The following EDIL3 variants were observed in gnomAD, a reference collection of about 807,000 sequenced individuals.
EDIL3 encodes the protein EGF-like repeat and discoidin I-like domain-containing protein 3.
EDIL3 carries 37 observed loss-of-function variants against 67.4 expected under a neutral mutation model. The ratio of observed to expected loss-of-function variants is 0.55; its 90% CI spans 0.42 to 0.72. EDIL3 has a LOEUF of 0.72. Ranked by LOEUF, EDIL3 falls within the 30% of genes least tolerant of loss-of-function variation. The probability of loss-of-function intolerance (pLI) is 0.00; values close to 1 mark genes in which losing one functional copy is unlikely to be tolerated. For synonymous variants in EDIL3, 195 were observed against 196.3 expected (o/e 0.99, Z 0.05); for missense variants, 527 against 586.3 (o/e 0.90, Z 1.04).
chr5:84,355,916 G>C (rs1418453174), intron 1 of EDIL3, among the ~76,000 whole-genome samples: 2 of 152,188 alleles, frequency 1.3e-5, no homozygotes, highest in Non-Finnish European at 2.9e-5. Flanking sequence ...TTCTGTCCCA[G>C]GGAGATGGGA....
chr5:84,084,306 C>T (rs1051436994), intron 6 of EDIL3, among the ~76,000 whole-genome samples: 14 of 152,072 alleles, frequency 9.2e-5, no homozygotes, highest in African/African-American at 2.7e-4. Flanking sequence ...TCTGATCTAA[C>T]GTTTTCTAAC....
At chr5:84,344,997 A>G (rs927963228) in intron 1 of EDIL3, among the ~76,000 whole-genome samples, 1 of 152,184 alleles carries the variant, frequency 6.6e-6, no homozygotes, top group Non-Finnish European at 1.5e-5. Context: ...TTGCTTACAA[A>G]GCATTTTAGG....
At position 84,015,507 on chromosome 5, in the gene EDIL3, C is replaced by A. The variant is rs1234657883; in HGVS notation, c.1137+44793G>T. Among the ~76,000 whole-genome samples, 3 of 151,970 alleles carry A rather than the reference C, an allele frequency of 2.0e-5. No individual in the cohort carries two copies. In the East Asian group the frequency reaches 5.8e-4, roughly 29 times the overall value. On this transcript the variant is annotated intron_variant, in intron 9 of 10. Coordinates refer to ENST00000296591, the MANE Select transcript of EDIL3 (RefSeq NM_005711.5). ...TCAATTAAATAAAAATATTTGATTC[C>A]TAAAACAGAAATTAAAAGAAAGATA...
At chr5:83,944,310 T>C (rs1461460836) in intron 10 of EDIL3, among the ~76,000 whole-genome samples, 1 of 151,672 alleles carries the variant, frequency 6.6e-6, no homozygotes, top group Non-Finnish European at 1.5e-5. Flanking sequence ...CCTGGATCCA[T>C]ACAATACTAT....
intron 6 of EDIL3, among the ~76,000 whole-genome samples, chr5:84,093,422 T>A (rs1184990205): frequency 6.6e-6 from 1 of 152,088 alleles, no homozygotes; most frequent in East Asian, 1.9e-4. Flanking sequence ...TTGTAGTCAC[T>A]TCTACCTTTG....
chr5:84,070,750 C>T (rs1022065822), intron 6 of EDIL3, among the ~76,000 whole-genome samples: 1 of 151,888 alleles, frequency 6.6e-6, no homozygotes, highest in Non-Finnish European at 1.5e-5. Flanking sequence ...GAATCCAGCA[C>T]TTAAGATGCC....
intron 1 of EDIL3, among the ~76,000 whole-genome samples, chr5:84,286,516 A>C (rs1745809563): frequency 6.6e-6 from 1 of 152,194 alleles, no homozygotes; most frequent in African/African-American, 2.4e-5. Flanking sequence ...TACACTATGA[A>C]TCAAGACAAT....
intron 1 of EDIL3, among the ~76,000 whole-genome samples, chr5:84,312,044 C>T (rs1746402373): frequency 6.6e-6 from 1 of 152,190 alleles, no homozygotes; most frequent in Non-Finnish European, 1.5e-5. Flanking sequence ...CCGCCATTGT[C>T]ATCATGGCCC....
chr5:84,342,140 T>C (rs947929252), intron 1 of EDIL3, among the ~76,000 whole-genome samples: 6 of 151,904 alleles, frequency 3.9e-5, no homozygotes, highest in African/African-American at 1.5e-4. Flanking sequence ...ATAAAGAAAA[T>C]AGAGTGTATA....
chr5:84,210,072 A>C (rs1449012079), intron 3 of EDIL3, among the ~76,000 whole-genome samples: 1 of 152,244 alleles, frequency 6.6e-6, no homozygotes, highest in Non-Finnish European at 1.5e-5. Context: ...GGTTAAAATT[A>C]GCATTAAAAC....
At chr5:84,072,648 A>C (rs1392411827) in intron 6 of EDIL3, among the ~76,000 whole-genome samples, 1 of 152,198 alleles carries the variant, frequency 6.6e-6, no homozygotes, top group Non-Finnish European at 1.5e-5. Context: ...GAGTAAACTG[A>C]TGTTGGCAAA....
At chr5:84,094,761 C>A (rs1347261198) in intron 6 of EDIL3, among the ~76,000 whole-genome samples, 2 of 152,090 alleles carry the variant, frequency 1.3e-5, no homozygotes, top group South Asian at 4.1e-4. Flanking sequence ...ACTTAATTCC[C>A]TTTTGGGCCG....
At chr5:84,182,470 T>C (rs1285411930) in intron 3 of EDIL3, among the ~76,000 whole-genome samples, 1 of 147,358 alleles carries the variant, frequency 6.8e-6, no homozygotes, top group Admixed American at 6.8e-5. Flanking sequence ...AACTAAACTT[T>C]AAAAAAAACA....
chr5:84,080,359 CTCTT>C (rs1010680636), intron 6 of EDIL3, among the ~76,000 whole-genome samples: 2 of 150,240 alleles, frequency 1.3e-5, no homozygotes, highest in African/African-American at 4.9e-5. Context: ...AGTAGAGTCT[CTCTT>C]AAACCACCTC....
intron 9 of EDIL3, among the ~76,000 whole-genome samples, chr5:83,980,232 G>GGT (rs147547660): frequency 0.036 from 5,501 of 150,922 alleles, 342 homozygotes; most frequent in African/African-American, 0.13. Flanking sequence ...CTTAACTTGA[G>GGT]GTGTGTGTTT....
At chr5:83,953,490 A>G (rs1305793570) in intron 10 of EDIL3, among the ~76,000 whole-genome samples, 1 of 151,840 alleles carries the variant, frequency 6.6e-6, no homozygotes, top group Non-Finnish European at 1.5e-5. Context: ...AAAAGAAATA[A>G]AAGTGCAATT....
At chr5:84,204,061 A>G (rs924821484) in intron 3 of EDIL3, among the ~76,000 whole-genome samples, 1 of 152,184 alleles carries the variant, frequency 6.6e-6, no homozygotes, top group Non-Finnish European at 1.5e-5. Flanking sequence ...TATTCTTAAA[A>G]AACTAGTGAA....
chr5:84,332,464 T>C (rs928262354), intron 1 of EDIL3, among the ~76,000 whole-genome samples: 3 of 152,178 alleles, frequency 2.0e-5, no homozygotes, highest in East Asian at 1.9e-4. Context: ...GGCTTCAAGA[T>C]AACGTTCTAA....
chr5:84,056,658 T>C (rs1024661148), intron 9 of EDIL3, among the ~76,000 whole-genome samples: 8 of 152,072 alleles, frequency 5.3e-5, no homozygotes, highest in Admixed American at 3.9e-4. Context: ...AAAACTCCAT[T>C]AGAGCGTCAC....
Sources: allele counts gnomAD v4.1 joint callset (sites outside exome capture counted in the v4.1 genomes callset), GRCh38; gene constraint gnomAD v4.1.1; transcripts MANE v1.5; gene names NCBI Gene and HGNC (gene_info 2026-07-23, HGNC 2026-07-21).